GRIK2: variants seen among roughly 807,000 people sequenced by gnomAD.
GRIK2 encodes the protein glutamate ionotropic receptor kainate type subunit 2, also known as glutamate receptor ionotropic, kainate 2.
GRIK2 carries 32 observed loss-of-function variants against 100.3 expected under a neutral mutation model. The ratio of observed to expected loss-of-function variants is 0.32; its 90% CI spans 0.24 to 0.43. The LOEUF is 0.43. Ranked by LOEUF, GRIK2 falls within the 20% of genes least tolerant of loss-of-function variation. The pLI is 1.00. For missense variants in GRIK2, 843 were observed against 1,114.9 expected, an observed-to-expected ratio of 0.76 and a Z score of 3.47; for synonymous variants, 417 against 389.4, an observed-to-expected ratio of 1.07 and a Z score of -0.83.
chr6:101,898,489 CTTAG>C (rs1025522098), intron 12 of GRIK2, among the ~76,000 whole-genome samples: 5 of 151,468 alleles, frequency 3.3e-5, no homozygotes, highest in African/African-American at 7.3e-5. Context: ...AAAAAAAATC[CTTAG>C]TTAGCTGTAC....
At chr6:101,782,281 A>C (rs1779145068) in intron 7 of GRIK2, among the ~76,000 whole-genome samples, 1 of 152,182 alleles carries the variant, frequency 6.6e-6, no homozygotes, top group Non-Finnish European at 1.5e-5. Context: ...TCTGCTATCA[A>C]ATATTAGAAC....
chr6:101,993,405 A>G (rs901269949), intron 14 of GRIK2: 1 of 151,376 alleles, frequency 6.6e-6, no homozygotes, highest in Non-Finnish European at 1.5e-5. Context: ...TTTTCTCTGG[A>G]TTATTTTAAG....
At chr6:101,511,694 T>C (rs536681099) in intron 2 of GRIK2, among the ~76,000 whole-genome samples, 2 of 152,050 alleles carry the variant, frequency 1.3e-5, no homozygotes, top group East Asian at 3.9e-4. Flanking sequence ...CAAGTGAAAA[T>C]GGTAGTTCTG....
chr6:101,738,123 C>G (rs991063627), intron 7 of GRIK2, among the ~76,000 whole-genome samples: 3 of 151,520 alleles, frequency 2.0e-5, no homozygotes, highest in Non-Finnish European at 2.9e-5. Context: ...ATTATCCTAA[C>G]ATAGGAAAAA....
At chr6:101,919,837 A>C (rs1789377659) in intron 12 of GRIK2, among the ~76,000 whole-genome samples, 1 of 151,912 alleles carries the variant, frequency 6.6e-6, no homozygotes, top group African/African-American at 2.4e-5. Flanking sequence ...TGGATTTAAA[A>C]GCAAGATTTT....
intron 14 of GRIK2, among the ~76,000 whole-genome samples, chr6:101,939,467 A>G (rs1052723710): frequency 6.6e-6 from 1 of 152,050 alleles, no homozygotes; most frequent in Admixed American, 6.6e-5. Flanking sequence ...ACTTTTGCAA[A>G]TACAGGTTAC....
At chr6:102,042,558 G>A (rs1770646664) in intron 15 of GRIK2, among the ~76,000 whole-genome samples, 1 of 151,606 alleles carries the variant, frequency 6.6e-6, no homozygotes, top group Non-Finnish European at 1.5e-5. Context: ...AGGATGGGTA[G>A]TTCACTGTCT....
At chr6:101,902,436 A>G (rs1308821031) in intron 12 of GRIK2, among the ~76,000 whole-genome samples, 2 of 151,978 alleles carry the variant, frequency 1.3e-5, no homozygotes, top group Admixed American at 6.6e-5. Context: ...TGTTATTAAG[A>G]TAATTACAAC....
At chr6:101,398,197 C>A (rs1009383035) in intron 1 of GRIK2, among the ~76,000 whole-genome samples, 3 of 152,090 alleles carry the variant, frequency 2.0e-5, no homozygotes, top group African/African-American at 7.2e-5. Flanking sequence ...AACCAAAATA[C>A]GAAGAAATTT....
intron 16 of GRIK2, among the ~76,000 whole-genome samples, chr6:102,059,497 C>T (rs1771638311): frequency 6.6e-6 from 1 of 151,084 alleles, no homozygotes; most frequent in Admixed American, 6.6e-5. Flanking sequence ...AGACAATTAT[C>T]ACACTTTGGG....
intron 10 of GRIK2, among the ~76,000 whole-genome samples, chr6:101,857,846 T>A (rs1430900683): frequency 6.6e-6 from 1 of 152,154 alleles, no homozygotes; most frequent in East Asian, 1.9e-4. Context: ...AAAAATTGGC[T>A]CCTCACCCCT....
At chr6:101,682,472 C>A (rs1241580964) in intron 5 of GRIK2, 81 bp from the exon 6 acceptor site, 3 of 734,964 alleles carry the variant, frequency 4.1e-6, no homozygotes, top group Non-Finnish European at 5.0e-6. Context: ...TCACATCCTA[C>A]TATATTTTGT....
chr6:101,603,995 T>C (rs1048351698), intron 2 of GRIK2, among the ~76,000 whole-genome samples: 11 of 151,670 alleles, frequency 7.3e-5, no homozygotes, highest in African/African-American at 2.4e-4. Flanking sequence ...ATATAACATG[T>C]AAATATAAAG....
chr6:101,723,030 G>A (rs912611874), intron 7 of GRIK2, among the ~76,000 whole-genome samples: 25 of 151,988 alleles, frequency 1.6e-4, no homozygotes, highest in Non-Finnish European at 3.1e-4. Flanking sequence ...ATAGAAAGTT[G>A]TGCTTAGTCA....
At chr6:101,555,652 TATA>T (rs1317134172) in intron 2 of GRIK2, among the ~76,000 whole-genome samples, 1 of 152,206 alleles carries the variant, frequency 6.6e-6, no homozygotes, top group Non-Finnish European at 1.5e-5. Context: ...AATTCAGAAT[TATA>T]ATGTTTGTAG....
At chr6:101,595,698 A>ATGTGTGTGTG (rs200462444) in intron 2 of GRIK2, among the ~76,000 whole-genome samples, 2 of 136,720 alleles carry the variant, frequency 1.5e-5, no homozygotes, top group Admixed American at 7.3e-5. Context: ...GTATATATAT[A>ATGTGTGTGTG]TGTGTGTGTG....
At chr6:101,981,055 A>G (rs952506199) in intron 14 of GRIK2, among the ~76,000 whole-genome samples, 3 of 151,808 alleles carry the variant, frequency 2.0e-5, no homozygotes, top group Non-Finnish European at 4.4e-5. Flanking sequence ...CAGTGATCCA[A>G]GTTCCATTTT....
intron 15 of GRIK2, among the ~76,000 whole-genome samples, chr6:102,039,435 A>G (rs557640877): frequency 1.3e-5 from 2 of 151,524 alleles, no homozygotes; most frequent in Admixed American, 1.3e-4. Flanking sequence ...TGAACTTCTT[A>G]TTTCATTCAA....
At chr6:101,993,059 G>C (rs918857194) in intron 14 of GRIK2, 2 of 151,340 alleles carry the variant, frequency 1.3e-5, no homozygotes. Flanking sequence ...TCTGTAAATT[G>C]TATATTCTGA....
Sources: gnomAD v4.1 joint callset for allele counts (sites outside exome capture counted in the v4.1 genomes callset) on GRCh38, gnomAD v4.1.1 for gene constraint, MANE v1.5 for transcripts, NCBI Gene and HGNC (gene_info 2026-07-23, HGNC 2026-07-21) for gene names.